Variants in SNX19 observed in about 807,000 individuals in gnomAD.
The protein encoded by SNX19 is sorting nexin-19.
A neutral mutation model predicts 85.2 loss-of-function variants in SNX19; 60 were observed. The observed-to-expected ratio is 0.70, with a 90% CI of 0.57 to 0.87. SNX19 has a LOEUF of 0.87. Ranked by LOEUF, SNX19 falls within the 40% of genes least tolerant of loss-of-function variation. SNX19 has a pLI of 0.00. For missense variants in SNX19, 1,201 were observed against 1,217.8 expected (o/e 0.99, Z 0.21); for synonymous variants, 520 against 470.0 (o/e 1.11, Z -1.38).
At chr11:130,891,283 C>T (rs7119829) in intron 8 of SNX19, among the ~76,000 whole-genome samples, 90,874 of 151,954 alleles carry the variant, frequency 0.6, 27,604 homozygotes, top group South Asian at 0.73. Context: ...GATGTTGTAA[C>T]GGGTATGCTA....
intron 8 of SNX19, among the ~76,000 whole-genome samples, chr11:130,887,860 C>T (rs887655231): frequency 6.6e-6 from 1 of 152,186 alleles, no homozygotes; most frequent in Non-Finnish European, 1.5e-5. Context: ...CTCAACCTGG[C>T]TCCATCCTCT....
rs936047037 is a variant in SNX19 at position 130,873,766 on chromosome 11, C to A, written c.*4656G>T. On this transcript the variant is annotated 3_prime_UTR_variant, in exon 11 of 11. Transcript: ENST00000265909. ...GAAGATGTTAACTATTAGCTGGTACCAGGCATTTTGGGAGTAGATAGGGGA... is the reference window on the plus strand; with the variant it reads ...GAAGATGTTAACTATTAGCTGGTACAAGGCATTTTGGGAGTAGATAGGGGA... Among the ~76,000 whole-genome samples, 2 of 152,236 alleles carry A rather than the reference C, an allele frequency of 1.3e-5. No individual in the cohort carries two copies. The highest frequency in any genetic ancestry group is 4.1e-4 in the South Asian group (2 of 4,820).
At chr11:130,891,908 T>A (rs1409637265) in intron 8 of SNX19, among the ~76,000 whole-genome samples, 1 of 151,064 alleles carries the variant, frequency 6.6e-6, no homozygotes, top group East Asian at 2.0e-4. Flanking sequence ...TGGTGCAATC[T>A]CGGCTCACTG....
intron 8 of SNX19, among the ~76,000 whole-genome samples, chr11:130,894,478 G>A (rs567711653): frequency 3.3e-5 from 5 of 152,312 alleles, no homozygotes; most frequent in African/African-American, 7.2e-5. Context: ...CCTCTAAACC[G>A]TAGAGCAAGC....
Position 130,876,331 on chromosome 11 carries a change from G to A in SNX19, c.*2091C>T, listed in dbSNP as rs1009343001. 1.3e-5 allele frequency: 2 copies of A among 152,278 alleles called. No homozygotes were observed. Among genetic ancestry groups the A allele is most frequent in the African/African-American group, 4.8e-5 (2 of 41,416 alleles). The allele number at this position is 152,278 out of a possible 1,614,324, so 9.4% of individuals were successfully genotyped here. A position where few individuals can be genotyped will look rare whatever the true frequency, so the allele number is the denominator to read the frequency against. On this transcript the variant is annotated 3_prime_UTR_variant, in exon 11 of 11. Transcript: ENST00000265909. ...TTTCAAAGCCAGATGAGTTCTGATT[G>A]TTCCCTTGGCAATATCCATTATTTC...
Position 130,877,282 on chromosome 11 carries a change from T to TC in SNX19, c.*1139dup, listed in dbSNP as rs1445712716. 1 of 152,280 alleles carries TC rather than the reference T, an allele frequency of 6.6e-6. No homozygotes were observed. The highest frequency in any genetic ancestry group is 2.4e-5 in the African/African-American group (1 of 41,462). The allele number at this position is 152,280 out of a possible 1,614,324, so 9.4% of individuals were successfully genotyped here. ...AGCAATTCCTCCTGATTTATCCTTCTCCAGCAATTCCCAGTTGCCTTGCCT... is the reference window on the plus strand; with the variant it reads ...AGCAATTCCTCCTGATTTATCCTTCTCCCAGCAATTCCCAGTTGCCTTGCCT... On this transcript the variant is annotated 3_prime_UTR_variant, in exon 11 of 11. Coordinates refer to ENST00000265909, the MANE Select transcript of SNX19 (RefSeq NM_014758.3).
At chr11:130,907,843 T>C (rs1327432300) in intron 5 of SNX19, 110 bp downstream of exon 5, 4 of 1,515,110 alleles carry the variant, frequency 2.6e-6, no homozygotes, top group East Asian at 4.5e-5. Context: ...CTGGTATGTC[T>C]GACCCACCTC....
rs1391607501 is a variant in SNX19 at position 130,868,440 on chromosome 11, G to C, written c.*9982C>G. The stretch of plus-strand genomic sequence containing the variant: ...GGCCCCTTCACCCCAGCAACCAAGA[G>C]GCTACAGCTGGATATGTGCTTATGA... On this transcript the variant is annotated 3_prime_UTR_variant, in exon 11 of 11. Transcript: ENST00000265909. 2 of 152,138 alleles carry C rather than the reference G, an allele frequency of 1.3e-5. No individual in the cohort carries two copies. Among genetic ancestry groups the C allele is most frequent in the South Asian group, 2.1e-4 (1 of 4,812 alleles). 9.4% of individuals were successfully genotyped at this position (152,138 alleles called of 1,614,324 possible). A position where few individuals can be genotyped will look rare whatever the true frequency, so the allele number is the denominator to read the frequency against.
Position 130,915,531 on chromosome 11 carries a change from C to T in SNX19, c.409G>A (p.Gly137Arg). The T allele has an allele frequency of 6.2e-7, 1 of 1,614,252 alleles. No individual in the cohort carries two copies. The highest frequency in any genetic ancestry group is 8.5e-7 in the Non-Finnish European group (1 of 1,180,044). Residue 137 changes from glycine to arginine, a missense_variant, in exon 1 of 11, where the codon GGG becomes AGG. By Grantham distance (125) the Gly-to-Arg change is moderately radical. Coordinates refer to ENST00000265909, the MANE Select transcript of SNX19 (RefSeq NM_014758.3). Reference sequence around the variant, plus strand: ...CTTCTCCGAAGCTCCTGGACCAACCCTTTCATGGCTGCCTCCATTTCTTCC... The same window carrying T: ...CTTCTCCGAAGCTCCTGGACCAACCTTTTCATGGCTGCCTCCATTTCTTCC... Reference protein sequence around the residue: ...FEEEMEAAMKGLVQELRRRMS... With the variant: ...FEEEMEAAMKRLVQELRRRMS...
chr11:130,872,665 G>A lies in SNX19; in HGVS notation c.*5757C>T, dbSNP rs1382545186. ...TCTTGTCTACAAAGGCAGGGTGAGC[G>A]ACTGCTGCCCTGTGATTTCTGGCAC... On this transcript the variant is annotated 3_prime_UTR_variant, in exon 11 of 11. Coordinates refer to ENST00000265909, the MANE Select transcript of SNX19 (RefSeq NM_014758.3). Among the ~76,000 whole-genome samples the A allele has an allele frequency of 2.6e-5, 4 of 152,124 alleles. No homozygotes were observed. The highest frequency in any genetic ancestry group is 2.1e-4 in the South Asian group (1 of 4,824).
At chr11:130,907,096 A>G (rs1945729794) in intron 5 of SNX19, among the ~76,000 whole-genome samples, 1 of 152,234 alleles carries the variant, frequency 6.6e-6, no homozygotes, top group African/African-American at 2.4e-5. Context: ...GCATAGAGCA[A>G]GTTTTCATTA....
rs1946573193 is a variant in SNX19, at chr11:130,916,182, G to A, written c.-243C>T. The A allele has an allele frequency of 1.8e-6, 1 of 548,468 alleles. No homozygotes were observed. The highest frequency in any genetic ancestry group is 1.9e-5 in the African/African-American group (1 of 53,002). 34.0% of individuals were successfully genotyped at this position (548,468 alleles called of 1,614,324 possible). A position where few individuals can be genotyped will look rare whatever the true frequency, so the allele number is the denominator to read the frequency against. On this transcript the variant is annotated 5_prime_UTR_variant, in exon 1 of 11. Transcript: ENST00000265909. Reference sequence around the variant, plus strand: ...CCCCTTCCAGCTGAGGTGTGGCTTTGGAGGAAAACTCTGTGGCCTTCACAC... The same window carrying A: ...CCCCTTCCAGCTGAGGTGTGGCTTTAGAGGAAAACTCTGTGGCCTTCACAC...
At chr11:130,911,868 A>C in intron 1 of SNX19, 97 bp from the exon 2 acceptor site, 1 of 1,200,376 alleles carries the variant, frequency 8.3e-7, no homozygotes. Context: ...ACATAGCAAG[A>C]GTACGAAACT....
rs1338341259 is a variant in SNX19 at position 130,903,482 on chromosome 11, T to A, written c.2444-98A>T. 22 of 1,341,894 alleles carry A rather than the reference T, an allele frequency of 1.6e-5. No individual in the cohort carries two copies. In the South Asian group the frequency reaches 3.2e-4, roughly 19 times the overall value. The allele number at this position is 1,341,894 out of a possible 1,614,324, so 83.1% of individuals were successfully genotyped here. Reference sequence around the variant, plus strand: ...TGGCACCTGTGTCTCTCTACCTTCATGCCAATCATCTGGTATTTTTGCAAT... The same window carrying A: ...TGGCACCTGTGTCTCTCTACCTTCAAGCCAATCATCTGGTATTTTTGCAAT... On this transcript the variant is annotated intron_variant, in intron 7 of 10. Coordinates refer to ENST00000265909, the MANE Select transcript of SNX19 (RefSeq NM_014758.3).
At chr11:130,904,665 C>A (rs1044138310) in intron 7 of SNX19, among the ~76,000 whole-genome samples, 1 of 151,020 alleles carries the variant, frequency 6.6e-6, no homozygotes. Context: ...AAGGTACCAC[C>A]AAGTCAGTTG....
chr11:130,904,296 T>C (rs1945488807), intron 7 of SNX19, among the ~76,000 whole-genome samples: 1 of 152,208 alleles, frequency 6.6e-6, no homozygotes, highest in African/African-American at 2.4e-5. Flanking sequence ...TTATAAGTAA[T>C]ATCAACAATG....
chr11:130,885,786 CAGTTCAA>C, intron 8 of SNX19, among the ~76,000 whole-genome samples: 1 of 152,126 alleles, frequency 6.6e-6, no homozygotes, highest in East Asian at 1.9e-4. Context: ...ATACCAAATA[CAGTTCAA>C]AGGAAAAGAG....
At chr11:130,905,785 C>T (rs1291698634) in intron 7 of SNX19, 168 bp downstream of exon 7, 1 of 1,538,746 alleles carries the variant, frequency 6.5e-7, no homozygotes, top group African/African-American at 1.4e-5. Flanking sequence ...CAACTATGTA[C>T]TACTCATCTC....
At chr11:130,910,210 G>A (rs1197593511) in intron 3 of SNX19, 60 bp downstream of exon 3, 9 of 1,613,076 alleles carry the variant, frequency 5.6e-6, no homozygotes, top group Non-Finnish European at 7.6e-6. Context: ...TGGCTTGGGT[G>A]TTCTGGGGTT....
Sources: allele counts gnomAD v4.1 joint callset (sites outside exome capture counted in the v4.1 genomes callset), GRCh38; gene constraint gnomAD v4.1.1; transcripts MANE v1.5; gene names NCBI Gene and HGNC (gene_info 2026-07-23, HGNC 2026-07-21).